Variants in INPP5K observed in about 807,000 individuals in gnomAD.
The protein encoded by INPP5K is inositol polyphosphate-5-phosphatase K.
Under a neutral mutation model 53.5 loss-of-function variants are expected in INPP5K, and 35 were observed. The observed-to-expected ratio is 0.65, with a 90% CI of 0.50 to 0.87. The LOEUF (loss-of-function observed/expected upper bound fraction) is 0.87, where lower values mean the gene tolerates loss of function less well. Ranked by LOEUF, INPP5K falls within the 40% of genes least tolerant of loss-of-function variation. INPP5K has a pLI of 0.00. For synonymous variants in INPP5K, 253 were observed against 232.8 expected (o/e 1.09, Z -0.79); for missense variants, 550 against 586.2 (o/e 0.94, Z 0.64).
chr17:1,495,912 A>G (rs1402211071), intron 11 of INPP5K, 33 bp from the exon 12 acceptor site: 1 of 1,579,306 alleles, frequency 6.3e-7, no homozygotes, highest in South Asian at 1.1e-5. Context: ...GGAAATGGAG[A>G]GCGGGTCTTC....
At chr17:1,510,046 G>C (rs1424629502) in intron 3 of INPP5K, among the ~76,000 whole-genome samples, 2 of 152,250 alleles carry the variant, frequency 1.3e-5, no homozygotes, top group African/African-American at 4.8e-5. Flanking sequence ...GGCGGGAAGA[G>C]AAGATAAGCT....
intron 7 of INPP5K, among the ~76,000 whole-genome samples, chr17:1,503,124 GATC>G (rs2075068372): frequency 6.6e-6 from 1 of 151,350 alleles, no homozygotes; most frequent in African/African-American, 2.4e-5. Context: ...GGGTTCAAGT[GATC>G]ATCCTGTCTC....
intron 6 of INPP5K, chr17:1,507,333 A>C (rs929506675): frequency 9.6e-6 from 5 of 518,214 alleles, no homozygotes; most frequent in Non-Finnish European, 1.7e-5. Flanking sequence ...CAGTCCTTAG[A>C]CTGCAGGGAC....
At position 1,498,044 on chromosome 17, in the gene INPP5K, A is replaced by C. The variant is rs780030548; in HGVS notation, c.855T>G (p.Thr285=). ...LKRQPCAGPD[T]PIPPASHFSL... ...AGAAGTGTGACGCCGGCGGTATGGGAGTGTCGGGGCCAGCACAGGGCTGCC... is the reference window on the plus strand; with the variant it reads ...AGAAGTGTGACGCCGGCGGTATGGGCGTGTCGGGGCCAGCACAGGGCTGCC... The change falls in exon 8 of 12, where the codon ACT becomes ACG. Residue 285 remains threonine (T), a synonymous_variant. Transcript: ENST00000421807. The C allele has an allele frequency of 1.2e-5, 19 of 1,613,938 alleles. 1 individual carries two copies. Among genetic ancestry groups the C allele is most frequent in the Admixed American group, 8.3e-5 (5 of 60,020 alleles).
chr17:1,515,743 C>T, intron 1 of INPP5K: 1 of 597,684 alleles, frequency 1.7e-6, no homozygotes, highest in Non-Finnish European at 2.1e-6. Flanking sequence ...TCCCTGTTAG[C>T]ATAAACAACA....
chr17:1,513,984 G>T lies in INPP5K; in HGVS notation c.45-5C>A. ...TTCCAAGTCACGACGTGTATGCTGC[G>T]GAAGGGATGCAGAGGGAAGTCATGG... is the stretch of plus-strand genomic sequence containing the variant. On this transcript the variant is annotated splice_polypyrimidine_tract_variant and splice_region_variant and intron_variant, in intron 1 of 11. Coordinates refer to ENST00000421807, the MANE Select transcript of INPP5K (RefSeq NM_016532.4). 6.3e-7 allele frequency: 1 copy of T among 1,599,102 alleles called. No individual in the cohort carries two copies. The highest frequency in any genetic ancestry group is 8.6e-7 in the Non-Finnish European group (1 of 1,168,624).
chr17:1,511,268 A>T (rs1265986062), intron 3 of INPP5K, among the ~76,000 whole-genome samples: 194 of 152,288 alleles, frequency 1.3e-3, no homozygotes, highest in African/African-American at 4.4e-3. Flanking sequence ...GAGGCTAAGG[A>T]ACCAGTAGGG....
At chr17:1,496,911 C>T (rs1326165621) in intron 8 of INPP5K, 108 bp from the exon 9 acceptor site, 2 of 1,162,790 alleles carry the variant, frequency 1.7e-6, no homozygotes, top group Non-Finnish European at 2.4e-6. Context: ...GGTGGGGCAC[C>T]CAGAGGGGGT....
chr17:1,513,521 C>G lies in INPP5K; in HGVS notation c.193G>C (p.Asp65His). 6.2e-7 allele frequency: 1 copy of G among 1,614,220 alleles called. No homozygotes were observed. Among genetic ancestry groups the G allele is most frequent in the South Asian group, 1.1e-5 (1 of 91,084 alleles). The change falls in exon 3 of 12, where the codon GAT becomes CAT. Residue 65 changes from aspartate to histidine, a missense_variant. Physicochemically the swap from Asp to His is moderately conservative, Grantham distance 81. Coordinates refer to ENST00000421807, the MANE Select transcript of INPP5K (RefSeq NM_016532.4). Reference sequence around the variant, plus strand: ...CTCCACGAGTCATTAAAGGCAGCATCGGAAAGGAGGCTTATGATCCCAGAG... The same window carrying G: ...CTCCACGAGTCATTAAAGGCAGCATGGGAAAGGAGGCTTATGATCCCAGAG... Reference protein sequence around the residue: ...LNSGIISLLSDAAFNDSWSSF... With the variant: ...LNSGIISLLSHAAFNDSWSSF...
intron 1 of INPP5K, 141 bp from the exon 2 acceptor site, chr17:1,514,120 C>G: frequency 2.1e-6 from 1 of 470,352 alleles, no homozygotes; most frequent in Non-Finnish European, 3.8e-6. Flanking sequence ...GTCGGGAGTT[C>G]GAGACAAGCC....
At chr17:1,500,158 A>G (rs1169031648) in intron 7 of INPP5K, among the ~76,000 whole-genome samples, 1 of 152,248 alleles carries the variant, frequency 6.6e-6, no homozygotes, top group Non-Finnish European at 1.5e-5. Context: ...GAATAAAGTT[A>G]AAGTCCCCAA....
intron 3 of INPP5K, among the ~76,000 whole-genome samples, chr17:1,513,065 T>C (rs115668429): frequency 0.02 from 3,106 of 152,316 alleles, 139 homozygotes; most frequent in African/African-American, 0.071. Flanking sequence ...CTACTTATGA[T>C]GTGTAACAAC....
rs148821806 is a variant in INPP5K at position 1,494,901 on chromosome 17, T to A, written c.*922A>T. On this transcript the variant is annotated 3_prime_UTR_variant, in exon 12 of 12. Transcript: ENST00000421807. ...CCCCAGGGCCAGATCCTCCAAAATGTCTTGAGCTGGTTCTCCCTTCTGCCT... is the reference window on the plus strand; with the variant it reads ...CCCCAGGGCCAGATCCTCCAAAATGACTTGAGCTGGTTCTCCCTTCTGCCT... The A allele has an allele frequency of 6.6e-6, 1 of 152,302 alleles. No homozygotes were observed. The highest frequency in any genetic ancestry group is 6.5e-5 in the Admixed American group (1 of 15,280). 9.4% of individuals were successfully genotyped at this position (152,302 alleles called of 1,614,324 possible).
chr17:1,513,725 C>G, intron 2 of INPP5K, 147 bp downstream of exon 2: 2 of 868,790 alleles, frequency 2.3e-6, no homozygotes, highest in East Asian at 2.6e-5. Flanking sequence ...GTTGCTGACC[C>G]GGGACCAGAG....
chr17:1,497,817 T>C (rs757141549), intron 8 of INPP5K, 119 bp downstream of exon 8: 1 of 865,234 alleles, frequency 1.2e-6, no homozygotes, highest in Non-Finnish European at 1.8e-6. Context: ...AAGGCAATCA[T>C]GGCCTCCACA....
At chr17:1,502,344 G>A (rs143877962) in intron 7 of INPP5K, among the ~76,000 whole-genome samples, 238 of 151,148 alleles carry the variant, frequency 1.6e-3, no homozygotes, top group African/African-American at 4.1e-3. Flanking sequence ...GCGAGACTCC[G>A]TCTCAAACAA....
chr17:1,498,190 G>C, intron 7 of INPP5K, 68 bp from the exon 8 acceptor site: 1 of 1,330,652 alleles, frequency 7.5e-7, no homozygotes, highest in Non-Finnish European at 1.0e-6. Flanking sequence ...GAGCAGAAAT[G>C]AGCCCACATG....
Position 1,495,650 on chromosome 17 carries a change from G to A in INPP5K, c.*173C>T, listed in dbSNP as rs954140319. On this transcript the variant is annotated 3_prime_UTR_variant, in exon 12 of 12. Transcript: ENST00000421807. The stretch of plus-strand genomic sequence containing the variant: ...TATTTAAGCGGCTAATTCCAGAGAT[G>A]AGTAGTGGAGAGAGCAAATGAGCCT... The A allele has an allele frequency of 2.2e-5, 13 of 584,306 alleles. No homozygotes were observed. The South Asian group carries it at 2.8e-4, about 13-fold the overall frequency. 36.2% of individuals were successfully genotyped at this position (584,306 alleles called of 1,614,324 possible).
chr17:1,511,519 A>G (rs2075308446), intron 3 of INPP5K, among the ~76,000 whole-genome samples: 1 of 152,176 alleles, frequency 6.6e-6, no homozygotes, highest in Non-Finnish European at 1.5e-5. Flanking sequence ...TTGATCCTGC[A>G]GGCCACGAGC....
Sources: gnomAD v4.1 joint callset for allele counts (sites outside exome capture counted in the v4.1 genomes callset) on GRCh38, gnomAD v4.1.1 for gene constraint, MANE v1.5 for transcripts, NCBI Gene and HGNC (gene_info 2026-07-23, HGNC 2026-07-21) for gene names.